Variants in DTWD2 observed in about 807,000 individuals in gnomAD.
The protein encoded by DTWD2 is DTW motif tRNA-uridine aminocarboxypropyltransferase 2.
Under a neutral mutation model 31.8 loss-of-function variants are expected in DTWD2, and 39 were observed. The ratio of observed to expected loss-of-function variants is 1.22; its 90% CI spans 0.95 to 1.60. The LOEUF (loss-of-function observed/expected upper bound fraction) is 1.60. DTWD2 is among the 40% of genes most tolerant of loss of function. The pLI is 0.00. For missense variants in DTWD2, 515 were observed against 381.5 expected (o/e 1.35, Z -2.92); for synonymous variants, 180 against 142.8 (o/e 1.26, Z -1.86).
At chr5:118,958,906 T>C (rs1193346146) in intron 1 of DTWD2, among the ~76,000 whole-genome samples, 2 of 152,152 alleles carry the variant, frequency 1.3e-5, no homozygotes, top group African/African-American at 2.4e-5. Flanking sequence ...CATCCCTTCA[T>C]GTTAAAAATC....
intron 1 of DTWD2, among the ~76,000 whole-genome samples, chr5:118,950,555 G>A (rs1015258026): frequency 1.3e-5 from 2 of 152,132 alleles, no homozygotes; most frequent in Non-Finnish European, 2.9e-5. Flanking sequence ...AGTGGCTGCC[G>A]GGCAAGTTGG....
intron 1 of DTWD2, among the ~76,000 whole-genome samples, chr5:118,969,602 T>A (rs539334199): frequency 3.9e-5 from 6 of 152,136 alleles, no homozygotes; most frequent in African/African-American, 1.2e-4. Flanking sequence ...GAGTGACCTG[T>A]TAAAAGAAAA....
chr5:118,921,674 G>T (rs79666277), intron 4 of DTWD2, among the ~76,000 whole-genome samples: 3,730 of 152,184 alleles, frequency 0.025, 162 homozygotes, highest in African/African-American at 0.084. Context: ...ATTTTGCTGT[G>T]GCACTAATTT....
intron 1 of DTWD2, among the ~76,000 whole-genome samples, chr5:118,954,121 A>T (rs1038042090): frequency 2.6e-5 from 4 of 152,162 alleles, no homozygotes; most frequent in African/African-American, 9.7e-5. Context: ...AAATTTAAAA[A>T]TTAGCCAGAC....
At chr5:118,961,093 T>C (rs1193802149) in intron 1 of DTWD2, among the ~76,000 whole-genome samples, 1 of 152,052 alleles carries the variant, frequency 6.6e-6, no homozygotes, top group African/African-American at 2.4e-5. Context: ...AAAAAAGTTT[T>C]AGTGAGTGTT....
chr5:118,965,440 T>C (rs1054065812), intron 1 of DTWD2, among the ~76,000 whole-genome samples: 4 of 143,938 alleles, frequency 2.8e-5, no homozygotes, highest in Admixed American at 7.1e-5. Context: ...AACAGCTCAC[T>C]GAGAACGGGC....
chr5:118,902,204 T>C (rs1395860286), intron 4 of DTWD2, among the ~76,000 whole-genome samples: 1 of 152,158 alleles, frequency 6.6e-6, no homozygotes, highest in Non-Finnish European at 1.5e-5. Flanking sequence ...ACAAATGTGC[T>C]ACTTGAAATA....
chr5:118,875,857 G>A (rs554111748), intron 4 of DTWD2, among the ~76,000 whole-genome samples: 7 of 152,160 alleles, frequency 4.6e-5, no homozygotes, highest in East Asian at 3.9e-4. Flanking sequence ...TGGATCGAAC[G>A]GACCCAACGG....
chr5:118,961,410 T>C (rs989878806), intron 1 of DTWD2, among the ~76,000 whole-genome samples: 22 of 152,258 alleles, frequency 1.4e-4, no homozygotes, highest in Non-Finnish European at 8.8e-5. Context: ...GTCTTAAATA[T>C]TACTTAGACA....
intron 2 of DTWD2, among the ~76,000 whole-genome samples, chr5:118,940,091 GAACA>G (rs764719122): frequency 1.3e-5 from 2 of 152,150 alleles, no homozygotes; most frequent in Non-Finnish European, 2.9e-5. Context: ...TATGGAAAGA[GAACA>G]AAAATAATAA....
At chr5:118,947,704 G>A (rs1240694643) in intron 1 of DTWD2, among the ~76,000 whole-genome samples, 2 of 152,166 alleles carry the variant, frequency 1.3e-5, no homozygotes, top group Non-Finnish European at 2.9e-5. Flanking sequence ...AGGCTTGAGG[G>A]TGGGGCTTTG....
At chr5:118,843,019 C>G (rs1751756246) in intron 5 of DTWD2, among the ~76,000 whole-genome samples, 1 of 144,484 alleles carries the variant, frequency 6.9e-6, no homozygotes, top group Non-Finnish European at 1.5e-5. Flanking sequence ...TGCAGTGGCA[C>G]AATCTCAGCT....
intron 2 of DTWD2, among the ~76,000 whole-genome samples, chr5:118,942,503 G>T (rs1486525282): frequency 1.3e-5 from 2 of 151,204 alleles, no homozygotes; most frequent in South Asian, 2.1e-4. Context: ...TAAAAATAAG[G>T]TATTTGAAAA....
At chr5:118,948,972 G>A (rs1754399171) in intron 1 of DTWD2, among the ~76,000 whole-genome samples, 1 of 152,158 alleles carries the variant, frequency 6.6e-6, no homozygotes, top group South Asian at 2.1e-4. Context: ...TAGGGTTTGG[G>A]AGATTAGCCA....
At chr5:118,858,888 G>A (rs975387591) in intron 4 of DTWD2, among the ~76,000 whole-genome samples, 1 of 152,154 alleles carries the variant, frequency 6.6e-6, no homozygotes, top group Non-Finnish European at 1.5e-5. Context: ...TAGCTGTTAG[G>A]TTTCTTAAGC....
intron 5 of DTWD2, among the ~76,000 whole-genome samples, chr5:118,842,471 A>C (rs1387420146): frequency 6.6e-6 from 1 of 152,192 alleles, no homozygotes; most frequent in Non-Finnish European, 1.5e-5. Context: ...GATTAAAGCC[A>C]AATACAAAAG....
rs143760712 is a variant in DTWD2, at chr5:118,971,532, G to T, written c.218+16762C>A. 3.2e-3 allele frequency among the ~76,000 whole-genome samples: 491 copies of T among 152,244 alleles called. 2 individuals are homozygous for T. The highest frequency in any genetic ancestry group is 0.012 in the African/African-American group (481 of 41,550). On this transcript the variant is annotated intron_variant, in intron 1 of 5. Coordinates refer to ENST00000510708, the MANE Select transcript of DTWD2 (RefSeq NM_173666.4). ...AGACTGACTCCCACACAATAATAGTGAGAGACTTTAACACCCCACTGACAA... is the reference window on the plus strand; with the variant it reads ...AGACTGACTCCCACACAATAATAGTTAGAGACTTTAACACCCCACTGACAA...
intron 4 of DTWD2, among the ~76,000 whole-genome samples, chr5:118,905,229 G>A (rs1202252443): frequency 6.6e-6 from 1 of 151,954 alleles, no homozygotes; most frequent in Non-Finnish European, 1.5e-5. Context: ...AATATTTAAT[G>A]CTCCTTTTTC....
At chr5:118,860,172 T>C (rs1032329496) in intron 4 of DTWD2, among the ~76,000 whole-genome samples, 2 of 149,810 alleles carry the variant, frequency 1.3e-5, no homozygotes, top group East Asian at 3.9e-4. Flanking sequence ...TATACTGCTA[T>C]AACTCATTAT....
Sources: gnomAD v4.1 joint callset for allele counts (sites outside exome capture counted in the v4.1 genomes callset) on GRCh38, gnomAD v4.1.1 for gene constraint, MANE v1.5 for transcripts, NCBI Gene and HGNC (gene_info 2026-07-23, HGNC 2026-07-21) for gene names.